SMYD3: variants seen among roughly 807,000 people sequenced by gnomAD.
SMYD3 encodes the protein SET and MYND domain containing 3.
SMYD3 carries 36 observed loss-of-function variants against 57.7 expected under a neutral mutation model. That is an observed-to-expected ratio of 0.62 (90% confidence interval 0.48 to 0.82). The LOEUF (loss-of-function observed/expected upper bound fraction) is 0.82. SMYD3 is among the 40% of genes least tolerant of loss of function. The pLI is 0.00. For synonymous variants in SMYD3, 211 were observed against 195.0 expected (o/e 1.08, Z -0.68); for missense variants, 515 against 538.8 (o/e 0.96, Z 0.44).
At chr1:246,292,897 C>G (rs537935940) in intron 5 of SMYD3, among the ~76,000 whole-genome samples, 27 of 152,116 alleles carry the variant, frequency 1.8e-4, no homozygotes, top group African/African-American at 6.5e-4. Context: ...TGTTCAAGAA[C>G]ATAATTTTAG....
At chr1:245,780,107 T>C (rs996079196) in intron 10 of SMYD3, among the ~76,000 whole-genome samples, 16 of 152,164 alleles carry the variant, frequency 1.1e-4, no homozygotes, top group Non-Finnish European at 1.9e-4. Flanking sequence ...CTTTGGAAAA[T>C]GATCTGTCAG....
At chr1:246,020,625 C>T (rs376320971) in intron 5 of SMYD3, among the ~76,000 whole-genome samples, 6 of 152,200 alleles carry the variant, frequency 3.9e-5, no homozygotes, top group South Asian at 2.1e-4. Flanking sequence ...TTGAACTGAG[C>T]GCTATATGTC....
chr1:246,089,270 A>C (rs924081477), intron 5 of SMYD3, among the ~76,000 whole-genome samples: 1 of 152,132 alleles, frequency 6.6e-6, no homozygotes, highest in African/African-American at 2.4e-5. Context: ...TGAGCCACTA[A>C]GCCCAGCCAC....
intron 10 of SMYD3, among the ~76,000 whole-genome samples, chr1:245,779,323 A>G (rs72766627): frequency 1.3e-3 from 196 of 152,338 alleles, no homozygotes; most frequent in Non-Finnish European, 2.6e-3. Flanking sequence ...AAAAATGGTC[A>G]AGAGACTTGA....
At chr1:246,148,282 C>T (rs1196312353) in intron 5 of SMYD3, among the ~76,000 whole-genome samples, 1 of 152,142 alleles carries the variant, frequency 6.6e-6, no homozygotes, top group Non-Finnish European at 1.5e-5. Context: ...CAGAGAGGAG[C>T]TGCCCTCTGC....
intron 3 of SMYD3, among the ~76,000 whole-genome samples, chr1:246,331,384 A>G (rs1204754905): frequency 6.6e-6 from 1 of 152,236 alleles, no homozygotes; most frequent in Non-Finnish European, 1.5e-5. Flanking sequence ...GTAGAAAATG[A>G]CATGCTCGCC....
At chr1:246,143,311 C>G (rs573008865) in intron 5 of SMYD3, among the ~76,000 whole-genome samples, 1 of 152,236 alleles carries the variant, frequency 6.6e-6, no homozygotes, top group Admixed American at 6.5e-5. Context: ...TAAGTTTAAA[C>G]AGTGTCCTTG....
chr1:245,881,373 T>C (rs1294086088), intron 8 of SMYD3, among the ~76,000 whole-genome samples: 2 of 152,230 alleles, frequency 1.3e-5, no homozygotes, highest in Non-Finnish European at 1.5e-5. Flanking sequence ...AGGTAGGCCA[T>C]ACTCAGTATT....
At chr1:245,767,197 G>A (rs1305033375) in intron 10 of SMYD3, among the ~76,000 whole-genome samples, 3 of 151,862 alleles carry the variant, frequency 2.0e-5, no homozygotes, top group African/African-American at 4.8e-5. Flanking sequence ...GTCATCTTTT[G>A]ATAGGATTGT....
At chr1:246,399,401 C>T (rs1220600627) in intron 1 of SMYD3, among the ~76,000 whole-genome samples, 1 of 151,974 alleles carries the variant, frequency 6.6e-6, no homozygotes, top group African/African-American at 2.4e-5. Flanking sequence ...GTGGCATGAT[C>T]ACTGCTCACT....
At chr1:246,079,864 C>T (rs1273139970) in intron 5 of SMYD3, among the ~76,000 whole-genome samples, 1 of 152,194 alleles carries the variant, frequency 6.6e-6, no homozygotes, top group Non-Finnish European at 1.5e-5. Context: ...TTTTAAATGA[C>T]ATTTGTCAGC....
At chr1:246,283,264 A>G (rs979140440) in intron 5 of SMYD3, among the ~76,000 whole-genome samples, 5 of 152,224 alleles carry the variant, frequency 3.3e-5, no homozygotes, top group African/African-American at 1.2e-4. Flanking sequence ...TAACATTGCC[A>G]AGAGTGTAAC....
intron 5 of SMYD3, among the ~76,000 whole-genome samples, chr1:246,192,444 T>C (rs990961689): frequency 6.6e-6 from 1 of 152,088 alleles, no homozygotes; most frequent in Non-Finnish European, 1.5e-5. Flanking sequence ...TTTGTAGTGA[T>C]GAAGTCTTGC....
intron 1 of SMYD3, among the ~76,000 whole-genome samples, chr1:246,424,130 G>GT (rs1278369855): frequency 6.6e-6 from 1 of 152,142 alleles, no homozygotes; most frequent in Admixed American, 6.5e-5. Context: ...TAGAAATGTT[G>GT]TAACAATGTA....
chr1:246,085,457 G>A (rs1171347965), intron 5 of SMYD3, among the ~76,000 whole-genome samples: 5 of 151,986 alleles, frequency 3.3e-5, no homozygotes, highest in Admixed American at 1.3e-4. Context: ...TCTTTCCTAC[G>A]TTTTATGACC....
At chr1:245,772,194 A>C (rs1455725868) in intron 10 of SMYD3, among the ~76,000 whole-genome samples, 1 of 152,224 alleles carries the variant, frequency 6.6e-6, no homozygotes, top group African/African-American at 2.4e-5. Flanking sequence ...TCTCTATGTG[A>C]GTAACAGAAA....
chr1:245,875,998 G>T (rs1366946471), intron 8 of SMYD3, among the ~76,000 whole-genome samples: 1 of 152,224 alleles, frequency 6.6e-6, no homozygotes, highest in African/African-American at 2.4e-5. Flanking sequence ...TTCATCACCA[G>T]TGGAAGCTGG....
intron 5 of SMYD3, among the ~76,000 whole-genome samples, chr1:245,984,223 C>T (rs962444383): frequency 6.6e-6 from 1 of 152,098 alleles, no homozygotes; most frequent in Non-Finnish European, 1.5e-5. Flanking sequence ...TTTCAAACTC[C>T]TGACCTCAGG....
intron 5 of SMYD3, among the ~76,000 whole-genome samples, chr1:246,275,973 T>C (rs2064323435): frequency 6.7e-6 from 1 of 149,226 alleles, no homozygotes; most frequent in African/African-American, 2.5e-5. Context: ...TGGCAGGTTA[T>C]TTAATGTCTG....
Sources: gnomAD v4.1 joint callset for allele counts (sites outside exome capture counted in the v4.1 genomes callset) on GRCh38, gnomAD v4.1.1 for gene constraint, MANE v1.5 for transcripts, NCBI Gene and HGNC (gene_info 2026-07-23, HGNC 2026-07-21) for gene names.